Variants in ZFP62 observed in about 807,000 individuals in gnomAD.
ZFP62 encodes the protein ZFP62 zinc finger protein, also known as zinc finger protein 62 homolog.
A neutral mutation model predicts 56.4 loss-of-function variants in ZFP62; 44 were observed. The ratio of observed to expected loss-of-function variants is 0.78; its 90% CI spans 0.61 to 1.00. The LOEUF is 1.00. Ranked by LOEUF, ZFP62 falls within the 50% of genes least tolerant of loss-of-function variation. The pLI, the probability that ZFP62 is intolerant of heterozygous loss-of-function variation, is 0.00. For synonymous variants in ZFP62, 421 were observed against 388.9 expected (o/e 1.08, Z -0.97); for missense variants, 1,030 against 1,085.7 (o/e 0.95, Z 0.72).
chr5:180,837,444 C>T, the ZFP62 span, among the ~76,000 whole-genome samples: 4 of 152,162 alleles, frequency 2.6e-5, no homozygotes, highest in South Asian at 8.3e-4. Flanking sequence ...TGGCACCTCA[C>T]ACTCGGTAGG....
chr5:180,836,181 C>T, the ZFP62 span, among the ~76,000 whole-genome samples: 7 of 152,348 alleles, frequency 4.6e-5, no homozygotes, highest in South Asian at 4.1e-4. Context: ...AACGGCCTAA[C>T]GATGCATTTC....
At chr5:180,840,738 C>T in the ZFP62 span, among the ~76,000 whole-genome samples, 18 of 150,508 alleles carry the variant, frequency 1.2e-4, no homozygotes, top group East Asian at 2.0e-4. Flanking sequence ...CTAGCCTGGG[C>T]GACAGAGCGA....
rs757108956 is a variant in ZFP62 at position 180,850,428 on chromosome 5, T to C, written c.1067A>G (p.Lys356Arg). The change falls in exon 2 of 2, where the codon AAA becomes AGA. Residue 356 changes from lysine to arginine, a missense_variant. Coordinates refer to ENST00000502412, the MANE Select transcript of ZFP62 (RefSeq NM_001172638.2). The stretch of plus-strand genomic sequence containing the variant: ...AGGTTTCTCTCCAGTGTGGATGACT[T>C]TATGCTGAATGAGAAGAGAGCTATA... ...FNYSSLLIQH[K>R]VIHTGEKPYE... 2.4e-4 allele frequency: 369 copies of C among 1,556,262 alleles called. No individual in the cohort carries two copies. The highest frequency in any genetic ancestry group is 3.1e-4 in the Non-Finnish European group (357 of 1,149,776).
chr5:180,828,809 G>A, the ZFP62 span, among the ~76,000 whole-genome samples: 2 of 152,228 alleles, frequency 1.3e-5, no homozygotes, highest in East Asian at 3.9e-4. Context: ...TCTTCTTGCA[G>A]AGAGCCTATA....
In ZFP62 at chr5:180,848,102, A is replaced by G. The variant is rs1773481075; in HGVS notation, c.*690T>C. On this transcript the variant is annotated 3_prime_UTR_variant, in exon 2 of 2. Coordinates refer to ENST00000502412, the MANE Select transcript of ZFP62 (RefSeq NM_001172638.2). Reference sequence around the variant, plus strand: ...CTGAAACTTTAAAAAAGTTTCATCCATTCAACTAATGTATCACAATAGTAC... The same window carrying G: ...CTGAAACTTTAAAAAAGTTTCATCCGTTCAACTAATGTATCACAATAGTAC... 2 of 985,418 alleles carry G rather than the reference A, an allele frequency of 2.0e-6. No individual in the cohort carries two copies. Among genetic ancestry groups the G allele is most frequent in the Non-Finnish European group, 1.2e-6 (1 of 829,930 alleles). 61.0% of individuals were successfully genotyped at this position (985,418 alleles called of 1,614,324 possible).
At chr5:180,847,500 C>A, downstream of ZFP62, 1 of 751,400 alleles carries the variant, frequency 1.3e-6, no homozygotes, top group South Asian at 6.0e-5. Context: ...AGCTGCTAGC[C>A]CTGTGGGATG....
At chr5:180,845,714 T>G (rs1773397801), downstream of ZFP62, 1 of 985,442 alleles carries the variant, frequency 1.0e-6, no homozygotes, top group African/African-American at 1.7e-5. Context: ...ACTCAAGGTC[T>G]TGATGCAGAC....
At chr5:180,859,990 A>T (rs1774219153) in intron 1 of ZFP62, among the ~76,000 whole-genome samples, 1 of 152,260 alleles carries the variant, frequency 6.6e-6, no homozygotes, top group Non-Finnish European at 1.5e-5. Context: ...TAGATCTAAA[A>T]AAGGACAGAA....
At chr5:180,841,278 T>C in the ZFP62 span, among the ~76,000 whole-genome samples, 6 of 138,788 alleles carry the variant, frequency 4.3e-5, no homozygotes, top group African/African-American at 1.1e-4. Context: ...CATATATATA[T>C]ACATACATAT....
the ZFP62 span, chr5:180,831,505 G>A: frequency 1.3e-5 from 2 of 152,076 alleles, no homozygotes; most frequent in East Asian, 3.9e-4. Context: ...GCCGCCTCCC[G>A]GGTTGAAGGG....
chr5:180,831,933 T>C, the ZFP62 span: 117,268 of 152,732 alleles, frequency 0.77, 46,130 homozygotes, highest in East Asian at 0.86. Flanking sequence ...CCCAGACCCC[T>C]GTGACCAGGT....
chr5:180,837,589 A>G, the ZFP62 span, among the ~76,000 whole-genome samples: 2 of 152,170 alleles, frequency 1.3e-5, no homozygotes, highest in Non-Finnish European at 2.9e-5. Context: ...AACTCAGTCT[A>G]TCTATTGGGA....
downstream of ZFP62, among the ~76,000 whole-genome samples, chr5:180,846,156 T>C (rs1773407139): frequency 2.0e-5 from 3 of 152,176 alleles, no homozygotes; most frequent in South Asian, 6.2e-4. Flanking sequence ...CCACCATGTC[T>C]GGGATCAGCC....
chr5:180,857,600 CGA>C (rs1774059380), intron 1 of ZFP62, among the ~76,000 whole-genome samples: 1 of 152,108 alleles, frequency 6.6e-6, no homozygotes, highest in Non-Finnish European at 1.5e-5. Flanking sequence ...CAGGTTCAAG[CGA>C]TTCTCCTGCC....
At chr5:180,839,511 G>A in the ZFP62 span, among the ~76,000 whole-genome samples, 2 of 152,088 alleles carry the variant, frequency 1.3e-5, no homozygotes, top group African/African-American at 4.8e-5. Context: ...ATGCTGCAAC[G>A]GAAAAACCAA....
downstream of ZFP62, among the ~76,000 whole-genome samples, chr5:180,846,993 C>A (rs1235444932): frequency 6.6e-6 from 1 of 152,200 alleles, no homozygotes; most frequent in Non-Finnish European, 1.5e-5. Context: ...CTCAACTCCA[C>A]CCTTCCCCAC....
chr5:180,848,953 C>A lies in ZFP62; in HGVS notation c.2542G>T (p.Ala848Ser). The stretch of plus-strand genomic sequence containing the variant: ...GTGAGATTTGATCTGATATTAAAAG[C>A]CTTACCACACTCATTACATCGGTAT... ...KPYRCNECGK[A>S]FNIRSNLTKH... Residue 848 changes from alanine to serine, a missense_variant, in exon 2 of 2, where the codon GCT becomes TCT. By Grantham distance (99) the Ala-to-Ser change is moderately conservative (BLOSUM62 1). Transcript: ENST00000502412. 6.4e-7 allele frequency: 1 copy of A among 1,551,772 alleles called. No homozygotes were observed. The highest frequency in any genetic ancestry group is 8.7e-7 in the Non-Finnish European group (1 of 1,146,982).
chr5:180,834,099 GA>G, the ZFP62 span, among the ~76,000 whole-genome samples: 3 of 152,204 alleles, frequency 2.0e-5, no homozygotes, highest in Admixed American at 1.3e-4. Flanking sequence ...GGAACTTTGG[GA>G]AGTAACTAAT....
chr5:180,857,622 C>T (rs992248262), intron 1 of ZFP62, among the ~76,000 whole-genome samples: 9 of 152,054 alleles, frequency 5.9e-5, no homozygotes, highest in South Asian at 2.1e-4. Context: ...CTCAGCCTCC[C>T]GAGTAGCTGG....
Sources: gnomAD v4.1 joint callset for allele counts (sites outside exome capture counted in the v4.1 genomes callset) on GRCh38, gnomAD v4.1.1 for gene constraint, MANE v1.5 for transcripts, NCBI Gene and HGNC (gene_info 2026-07-23, HGNC 2026-07-21) for gene names.